The following MYO5A variants were observed in gnomAD, a reference collection of about 807,000 sequenced individuals.
MYO5A encodes myosin VA.
MYO5A carries 98 observed loss-of-function variants against 249.7 expected under a neutral mutation model. That is an observed-to-expected ratio of 0.39 (90% CI 0.33 to 0.46). The LOEUF (loss-of-function observed/expected upper bound fraction) is 0.46, where lower values mean the gene tolerates loss of function less well. Among genes scored for constraint, MYO5A ranks in the 20% least tolerant of loss-of-function variants. The pLI is 0.98. For synonymous variants in MYO5A, 778 were observed against 810.6 expected, an observed-to-expected ratio of 0.96 and a Z score of 0.68; for missense variants, 1,696 against 2,308.8, an observed-to-expected ratio of 0.73 and a Z score of 5.44.
chr15:52,417,641 G>A (rs944712722), intron 4 of MYO5A, among the ~76,000 whole-genome samples: 1 of 152,156 alleles, frequency 6.6e-6, no homozygotes, highest in African/African-American at 2.4e-5. Context: ...TAGGTCATGA[G>A]GCCCCTCCCC....
At chr15:52,322,253 C>G (rs1292714529) in intron 37 of MYO5A, among the ~76,000 whole-genome samples, 1 of 152,240 alleles carries the variant, frequency 6.6e-6, no homozygotes, top group Non-Finnish European at 1.5e-5. Flanking sequence ...GTCAACGACC[C>G]CTCTGAGGGA....
chr15:52,407,709 C>T (rs564290851), intron 7 of MYO5A, among the ~76,000 whole-genome samples: 4 of 152,068 alleles, frequency 2.6e-5, no homozygotes, highest in African/African-American at 7.2e-5. Flanking sequence ...TCATAAGAAA[C>T]CCTACTGGCT....
In MYO5A at chr15:52,370,156, A is replaced by T. The variant is rs1392011595; in HGVS notation, c.3066+13T>A. ...GTGTACGGAGTAGATGGGGATATGG[A>T]CATTATTCCTACCTGCTCTGTTTCT... is the stretch of plus-strand genomic sequence containing the variant. On this transcript the variant is annotated intron_variant, in intron 22 of 41. Transcript: ENST00000399233. The T allele has an allele frequency of 6.2e-7, 1 of 1,613,972 alleles. No homozygotes were observed. The highest frequency in any genetic ancestry group is 1.3e-5 in the African/African-American group (1 of 75,028).
At chr15:52,471,935 G>A (rs574731694) in intron 1 of MYO5A, among the ~76,000 whole-genome samples, 12 of 152,132 alleles carry the variant, frequency 7.9e-5, no homozygotes, top group Non-Finnish European at 1.8e-4. Flanking sequence ...CCAGGCTCAA[G>A]GAATCCTCCT....
intron 8 of MYO5A, among the ~76,000 whole-genome samples, chr15:52,405,689 T>A (rs574081269): frequency 1.3e-5 from 2 of 152,212 alleles, no homozygotes; most frequent in African/African-American, 4.8e-5. Context: ...GCTTCCATTT[T>A]CTCATTTGAG....
chr15:52,447,008 T>C (rs939956677), intron 1 of MYO5A, among the ~76,000 whole-genome samples: 2 of 152,112 alleles, frequency 1.3e-5, no homozygotes, highest in African/African-American at 4.8e-5. Flanking sequence ...GAGTTAATAG[T>C]AGAATGAGTC....
intron 1 of MYO5A, among the ~76,000 whole-genome samples, chr15:52,443,844 G>T (rs188329357): frequency 1.3e-5 from 2 of 152,050 alleles, no homozygotes; most frequent in East Asian, 3.9e-4. Flanking sequence ...AACTGGGAGT[G>T]GTGACACGCA....
At chr15:52,490,941 G>C (rs552081810) in intron 1 of MYO5A, among the ~76,000 whole-genome samples, 1 of 152,024 alleles carries the variant, frequency 6.6e-6, no homozygotes, top group East Asian at 1.9e-4. Context: ...AGCTGGTCTT[G>C]AACTCCTGCG....
chr15:52,478,571 T>A (rs1393812629), intron 1 of MYO5A, among the ~76,000 whole-genome samples: 1 of 152,204 alleles, frequency 6.6e-6, no homozygotes, highest in East Asian at 1.9e-4. Context: ...TCTCCAGACA[T>A]TTTTAAAAGA....
At chr15:52,452,134 C>A (rs1052493506) in intron 1 of MYO5A, among the ~76,000 whole-genome samples, 2 of 152,050 alleles carry the variant, frequency 1.3e-5, no homozygotes, top group African/African-American at 2.4e-5. Context: ...CCCCTCCCCC[C>A]ACTGAAAACC....
At chr15:52,421,605 C>G (rs2043796546) in intron 4 of MYO5A, among the ~76,000 whole-genome samples, 2 of 152,236 alleles carry the variant, frequency 1.3e-5, no homozygotes. Context: ...TGTTACACCC[C>G]ACATCTCTTG....
At chr15:52,451,558 A>T (rs1162363078) in intron 1 of MYO5A, among the ~76,000 whole-genome samples, 1 of 152,214 alleles carries the variant, frequency 6.6e-6, no homozygotes, top group Non-Finnish European at 1.5e-5. Flanking sequence ...TGCCCTCAGA[A>T]GGTTCGAAGA....
intron 1 of MYO5A, among the ~76,000 whole-genome samples, chr15:52,526,238 G>A (rs2077727768): frequency 6.6e-6 from 1 of 152,146 alleles, no homozygotes; most frequent in South Asian, 2.1e-4. Flanking sequence ...GGAGTGCAGT[G>A]GCACAGTCAT....
At chr15:52,501,218 G>A (rs571808896) in intron 1 of MYO5A, among the ~76,000 whole-genome samples, 3 of 151,918 alleles carry the variant, frequency 2.0e-5, no homozygotes, top group Non-Finnish European at 4.4e-5. Flanking sequence ...TGATCCACCC[G>A]CCTCGGCCTC....
At chr15:52,400,940 T>C (rs933178074) in intron 9 of MYO5A, among the ~76,000 whole-genome samples, 3 of 152,220 alleles carry the variant, frequency 2.0e-5, no homozygotes, top group African/African-American at 7.2e-5. Context: ...CACATTTTGC[T>C]AACTTCTTAG....
intron 1 of MYO5A, among the ~76,000 whole-genome samples, chr15:52,490,152 T>C (rs1379586870): frequency 6.6e-6 from 1 of 152,184 alleles, no homozygotes; most frequent in Non-Finnish European, 1.5e-5. Flanking sequence ...TGTAAAATGG[T>C]GCAGCCAGTA....
At chr15:52,351,594 A>C in intron 27 of MYO5A, 113 bp from the exon 28 acceptor site, 2 of 1,047,246 alleles carry the variant, frequency 1.9e-6, no homozygotes, top group South Asian at 2.6e-5. Context: ...CATCAGAGTT[A>C]CCCTAGTGAA....
chr15:52,414,863 C>T (rs1406356077), intron 5 of MYO5A, among the ~76,000 whole-genome samples: 1 of 152,184 alleles, frequency 6.6e-6, no homozygotes, highest in Admixed American at 6.5e-5. Flanking sequence ...TTAACATTTG[C>T]TTAAAATTTT....
intron 36 of MYO5A, chr15:52,323,806 C>G: frequency 3.5e-6 from 1 of 288,850 alleles, no homozygotes; most frequent in East Asian, 8.8e-5. Context: ...GAGTTGGAGA[C>G]CAGCCTGGCC....
Sources: allele counts gnomAD v4.1 joint callset (sites outside exome capture counted in the v4.1 genomes callset), GRCh38; gene constraint gnomAD v4.1.1; transcripts MANE v1.5; gene names NCBI Gene and HGNC (gene_info 2026-07-23, HGNC 2026-07-21).